ADGRB3: variants seen among roughly 807,000 people sequenced by gnomAD.
The protein encoded by ADGRB3 is brain-specific angiogenesis inhibitor 3.
Under a neutral mutation model 193.4 loss-of-function variants are expected in ADGRB3, and 37 were observed. The observed-to-expected ratio is 0.19, with a 90% CI of 0.15 to 0.25. The LOEUF (loss-of-function observed/expected upper bound fraction) is 0.25. Ranked by LOEUF, ADGRB3 falls within the 10% of genes least tolerant of loss-of-function variation. The pLI is 1.00. For synonymous variants in ADGRB3, 690 were observed against 644.2 expected (o/e 1.07, Z -1.08); for missense variants, 1,637 against 1,852.9 (o/e 0.88, Z 2.14).
At chr6:68,950,959 A>G (rs997526772) in intron 6 of ADGRB3, among the ~76,000 whole-genome samples, 3 of 152,170 alleles carry the variant, frequency 2.0e-5, no homozygotes, top group African/African-American at 7.2e-5. Context: ...CCCTGGTCGC[A>G]TGGCCTATAG....
At chr6:69,165,221 C>T (rs1216918487) in intron 17 of ADGRB3, among the ~76,000 whole-genome samples, 1 of 151,998 alleles carries the variant, frequency 6.6e-6, no homozygotes, top group East Asian at 1.9e-4. Context: ...ACATTCTCCC[C>T]CACTTAAAAT....
intron 20 of ADGRB3, among the ~76,000 whole-genome samples, chr6:69,240,481 G>T (rs1766361964): frequency 6.6e-6 from 1 of 151,920 alleles, no homozygotes; most frequent in Middle Eastern, 3.4e-3. Flanking sequence ...TATAGTTCAG[G>T]TCCATGTTAT....
intron 3 of ADGRB3, among the ~76,000 whole-genome samples, chr6:68,883,611 A>G (rs1765803567): frequency 6.6e-6 from 1 of 152,096 alleles, no homozygotes; most frequent in Non-Finnish European, 1.5e-5. Flanking sequence ...GGAGGAATGA[A>G]CAACTCCAGA....
intron 3 of ADGRB3, among the ~76,000 whole-genome samples, chr6:68,822,174 A>C (rs997375426): frequency 6.6e-6 from 1 of 151,910 alleles, no homozygotes; most frequent in African/African-American, 2.4e-5. Context: ...ACATTCGGAA[A>C]ATAAAGAGAA....
At chr6:69,033,912 A>C (rs1770789039) in intron 13 of ADGRB3, among the ~76,000 whole-genome samples, 1 of 152,222 alleles carries the variant, frequency 6.6e-6, no homozygotes, top group Admixed American at 6.5e-5. Context: ...TTGAAGGCAT[A>C]GCTGATGACT....
intron 26 of ADGRB3, among the ~76,000 whole-genome samples, chr6:69,343,141 A>AT (rs66623862): frequency 1.5e-4 from 22 of 147,190 alleles, no homozygotes; most frequent in Middle Eastern, 7.0e-3. Flanking sequence ...AATTTATTTT[A>AT]TTTTTTTTAT....
chr6:69,239,377 A>G, intron 20 of ADGRB3, 151 bp downstream of exon 20: 2 of 581,960 alleles, frequency 3.4e-6, no homozygotes, highest in South Asian at 4.5e-5. Context: ...ATGAATAAAA[A>G]CATTGTCTAT....
At chr6:68,977,331 CTTTG>C (rs1277967847) in intron 10 of ADGRB3, among the ~76,000 whole-genome samples, 6 of 151,438 alleles carry the variant, frequency 4.0e-5, no homozygotes, top group Non-Finnish European at 5.9e-5. Context: ...AGTCATTAGA[CTTTG>C]TTTAATTATA....
At chr6:69,066,461 A>G (rs1771912095) in intron 16 of ADGRB3, among the ~76,000 whole-genome samples, 1 of 152,022 alleles carries the variant, frequency 6.6e-6, no homozygotes, top group African/African-American at 2.4e-5. Flanking sequence ...TCTTTTAAAA[A>G]TGTGTCTCAG....
At position 69,321,066 on chromosome 6, in the gene ADGRB3, G is replaced by T. The variant is rs188951173; in HGVS notation, c.2815-3806G>T. 9.8e-4 allele frequency among the ~76,000 whole-genome samples: 149 copies of T among 151,604 alleles called. 1 individual carries two copies. The Middle Eastern group carries it at 0.01, about 10-fold the overall frequency. On this transcript the variant is annotated intron_variant, in intron 20 of 31. Transcript: ENST00000370598. ...TCCTGCTCCCAATACCTAATTTTGG[G>T]CTATGGTACATATTGTCAATTTGTT... is the stretch of plus-strand genomic sequence containing the variant.
intron 3 of ADGRB3, among the ~76,000 whole-genome samples, chr6:68,664,939 T>C (rs1561987604): frequency 6.6e-6 from 1 of 151,794 alleles, no homozygotes; most frequent in Non-Finnish European, 1.5e-5. Context: ...TACACATTCT[T>C]ACTCAATCTT....
chr6:68,897,861 GAAA>G (rs370291845), intron 3 of ADGRB3, among the ~76,000 whole-genome samples: 19 of 135,526 alleles, frequency 1.4e-4, no homozygotes, highest in South Asian at 6.9e-4. Flanking sequence ...GAAAACAAAA[GAAA>G]AAAGAAAGAA....
At chr6:68,837,015 T>C (rs1484666368) in intron 3 of ADGRB3, among the ~76,000 whole-genome samples, 2 of 152,190 alleles carry the variant, frequency 1.3e-5, no homozygotes, top group African/African-American at 2.4e-5. Flanking sequence ...GTTTAGCTTT[T>C]TCTTTCTCCA....
intron 8 of ADGRB3, among the ~76,000 whole-genome samples, chr6:68,960,905 T>G (rs73465383): frequency 6.3e-4 from 96 of 152,242 alleles, no homozygotes; most frequent in African/African-American, 2.2e-3. Flanking sequence ...TCCTTTCAGT[T>G]GCACTAACTT....
chr6:68,704,337 GT>G (rs1030140267), intron 3 of ADGRB3, among the ~76,000 whole-genome samples: 2 of 152,178 alleles, frequency 1.3e-5, no homozygotes, highest in Non-Finnish European at 2.9e-5. Flanking sequence ...TCATTCTCAA[GT>G]GAGCTTTCAA....
chr6:69,106,176 A>AG (rs1773207008), intron 17 of ADGRB3, among the ~76,000 whole-genome samples: 7 of 149,352 alleles, frequency 4.7e-5, no homozygotes, highest in Non-Finnish European at 7.4e-5. Context: ...AAAAAAAAAA[A>AG]AAAAAAAGAA....
chr6:68,701,355 C>A (rs1338004355), intron 3 of ADGRB3, among the ~76,000 whole-genome samples: 1 of 152,058 alleles, frequency 6.6e-6, no homozygotes, highest in African/African-American at 2.4e-5. Context: ...ACTGTTAGTT[C>A]CCTCCATCCT....
chr6:68,782,504 G>A (rs1053134042), intron 3 of ADGRB3, among the ~76,000 whole-genome samples: 1 of 151,984 alleles, frequency 6.6e-6, no homozygotes, highest in African/African-American at 2.4e-5. Context: ...GGGATGGCTG[G>A]GTCAAATGAT....
At chr6:69,383,006 C>A in intron 31 of ADGRB3, 71 bp downstream of exon 31, 1 of 1,030,444 alleles carries the variant, frequency 9.7e-7, no homozygotes. Flanking sequence ...CCTTCCAGGA[C>A]CTCCTAATGG....
Sources: allele counts gnomAD v4.1 joint callset (sites outside exome capture counted in the v4.1 genomes callset), GRCh38; gene constraint gnomAD v4.1.1; transcripts MANE v1.5; gene names NCBI Gene and HGNC (gene_info 2026-07-23, HGNC 2026-07-21).